Variants in FGF12 observed in about 807,000 individuals in gnomAD.
The protein encoded by FGF12 is fibroblast growth factor 12B.
Under a neutral mutation model 23.6 loss-of-function variants are expected in FGF12, and 14 were observed. The observed-to-expected ratio is 0.59, with a 90% CI of 0.39 to 0.93. The LOEUF is 0.93. Among genes scored for constraint, FGF12 ranks in the 40% least tolerant of loss-of-function variants. The pLI, the probability that FGF12 is intolerant of heterozygous loss-of-function variation, is 0.00. For missense variants in FGF12, 175 were observed against 217.8 expected, an observed-to-expected ratio of 0.80 and a Z score of 1.24; for synonymous variants, 62 against 77.3, an observed-to-expected ratio of 0.80 and a Z score of 1.04.
chr3:192,645,457 G>A (rs1342243179), intron 2 of FGF12, among the ~76,000 whole-genome samples: 1 of 152,110 alleles, frequency 6.6e-6, no homozygotes, highest in Non-Finnish European at 1.5e-5. Context: ...TCTGGCTTAG[G>A]TAGTAAGAAG....
intron 2 of FGF12, among the ~76,000 whole-genome samples, chr3:192,422,625 AC>A (rs2108785045): frequency 6.6e-6 from 1 of 152,278 alleles, no homozygotes; most frequent in Admixed American, 6.5e-5. Context: ...CTTATCATTT[AC>A]CAGGAACTGG....
intron 4 of FGF12, among the ~76,000 whole-genome samples, chr3:192,277,799 G>T (rs1224360244): frequency 6.6e-6 from 1 of 152,150 alleles, no homozygotes; most frequent in Non-Finnish European, 1.5e-5. Context: ...GTCTCGCTCT[G>T]TCGCCCTGGC....
chr3:192,515,834 C>CTTTTTTTT (rs10681949), intron 2 of FGF12, among the ~76,000 whole-genome samples: 10 of 147,658 alleles, frequency 6.8e-5, no homozygotes, highest in Non-Finnish European at 8.9e-5. Context: ...CCCCTTGACT[C>CTTTTTTTT]TTTTTTTTTT....
chr3:192,254,270 T>A (rs752897581), intron 4 of FGF12, among the ~76,000 whole-genome samples: 1 of 151,862 alleles, frequency 6.6e-6, no homozygotes, highest in Non-Finnish European at 1.5e-5. Flanking sequence ...GATCATGTGG[T>A]ATTTGTCTTT....
intron 2 of FGF12, among the ~76,000 whole-genome samples, chr3:192,547,760 C>G (rs1411937608): frequency 6.6e-6 from 1 of 152,140 alleles, no homozygotes; most frequent in African/African-American, 2.4e-5. Context: ...TAGTATTATT[C>G]CTCATCACAG....
chr3:192,249,965 G>A (rs1711895879), intron 4 of FGF12, among the ~76,000 whole-genome samples: 1 of 152,182 alleles, frequency 6.6e-6, no homozygotes, highest in African/African-American at 2.4e-5. Flanking sequence ...AAAGGCTGGT[G>A]TCTAACTAGA....
chr3:192,181,446 G>C (rs1279982590), intron 4 of FGF12, among the ~76,000 whole-genome samples: 1 of 151,612 alleles, frequency 6.6e-6, no homozygotes, highest in Non-Finnish European at 1.5e-5. Flanking sequence ...CCAAATGCCA[G>C]AACAAAACAC....
intron 2 of FGF12, among the ~76,000 whole-genome samples, chr3:192,499,563 G>C (rs1181497749): frequency 1.0e-5 from 1 of 98,854 alleles, no homozygotes; most frequent in East Asian, 3.3e-4. Context: ...ACAGAGTCTT[G>C]CTCGGTCGCC....
At chr3:192,435,981 C>G (rs1722011523) in intron 2 of FGF12, among the ~76,000 whole-genome samples, 1 of 152,094 alleles carries the variant, frequency 6.6e-6, no homozygotes, top group Admixed American at 6.5e-5. Context: ...TTGAGGAAAC[C>G]AACACACCAC....
chr3:192,385,963 C>G (rs1398424262), intron 2 of FGF12, among the ~76,000 whole-genome samples: 5 of 152,140 alleles, frequency 3.3e-5, no homozygotes, highest in African/African-American at 1.2e-4. Context: ...AGGCCCCTAC[C>G]TAAGAATTAA....
At chr3:192,528,655 C>T (rs1159217033) in intron 2 of FGF12, among the ~76,000 whole-genome samples, 2 of 152,166 alleles carry the variant, frequency 1.3e-5, no homozygotes, top group Non-Finnish European at 2.9e-5. Context: ...AGAGCCCTGC[C>T]CCTGCAGCAA....
At chr3:192,382,814 C>T (rs2710780) in intron 2 of FGF12, among the ~76,000 whole-genome samples, 148,870 of 152,304 alleles carry the variant, frequency 0.98, 72,783 homozygotes, top group East Asian at 1. Flanking sequence ...ATATTTAAAA[C>T]TTTTCACTTT....
At chr3:192,553,571 G>A (rs369389375) in intron 2 of FGF12, among the ~76,000 whole-genome samples, 1 of 152,178 alleles carries the variant, frequency 6.6e-6, no homozygotes, top group East Asian at 1.9e-4. Context: ...CAGCAATTCA[G>A]TGACAAATGT....
At chr3:192,171,677 T>G (rs1309710237) in intron 4 of FGF12, among the ~76,000 whole-genome samples, 1 of 152,194 alleles carries the variant, frequency 6.6e-6, no homozygotes, top group Non-Finnish European at 1.5e-5. Flanking sequence ...GAGTCCTACA[T>G]GTCAGACATA....
At chr3:192,469,227 T>A (rs147019198) in intron 2 of FGF12, among the ~76,000 whole-genome samples, 1 of 152,194 alleles carries the variant, frequency 6.6e-6, no homozygotes, top group Admixed American at 6.5e-5. Flanking sequence ...AAGAATGCAA[T>A]TTAGAAATGA....
chr3:192,231,657 C>T (rs181060085), intron 4 of FGF12, among the ~76,000 whole-genome samples: 20 of 152,002 alleles, frequency 1.3e-4, no homozygotes, highest in Non-Finnish European at 2.5e-4. Context: ...GTAATCCCAG[C>T]TACTTAGGAG....
intron 2 of FGF12, among the ~76,000 whole-genome samples, chr3:192,366,866 T>C (rs1181406968): frequency 6.6e-6 from 1 of 152,206 alleles, no homozygotes; most frequent in Non-Finnish European, 1.5e-5. Context: ...AGCCAATTTG[T>C]TCTGAGTGGC....
intron 4 of FGF12, among the ~76,000 whole-genome samples, chr3:192,252,462 C>CAAAAAAAAAAAAAAA (rs56920518): frequency 5.8e-4 from 16 of 27,510 alleles, no homozygotes; most frequent in Non-Finnish European, 6.9e-4. Flanking sequence ...GAATCTGTCT[C>CAAAAAAAAAAAAAAA]AAAAAAAAAA....
intron 2 of FGF12, among the ~76,000 whole-genome samples, chr3:192,399,865 T>C (rs991567088): frequency 6.6e-6 from 1 of 152,200 alleles, no homozygotes; most frequent in African/African-American, 2.4e-5. Context: ...GGGCCCTCTC[T>C]ACTGACTCCT....
Sources: gnomAD v4.1 joint callset for allele counts (sites outside exome capture counted in the v4.1 genomes callset) on GRCh38, gnomAD v4.1.1 for gene constraint, MANE v1.5 for transcripts, NCBI Gene and HGNC (gene_info 2026-07-23, HGNC 2026-07-21) for gene names.